CHD2: variants seen among roughly 807,000 people sequenced by gnomAD.
CHD2 encodes the protein ATP-dependent chromatin remodeler CHD2.
In CHD2, 28 loss-of-function variants were observed where a neutral mutation model predicts 243.9. The observed-to-expected ratio is 0.11, with a 90% CI of 0.09 to 0.16. CHD2 has a LOEUF of 0.16. Ranked by LOEUF, CHD2 falls within the 10% of genes least tolerant of loss-of-function variation. The pLI is 1.00. For missense variants in CHD2, 1,386 were observed against 2,209.8 expected, an observed-to-expected ratio of 0.63 and a Z score of 7.47; for synonymous variants, 775 against 779.0, an observed-to-expected ratio of 0.99 and a Z score of 0.09.
At chr15:92,918,797 A>G (rs1017004506) in intron 2 of CHD2, among the ~76,000 whole-genome samples, 3 of 151,514 alleles carry the variant, frequency 2.0e-5, no homozygotes, top group Non-Finnish European at 4.4e-5. Flanking sequence ...CATGTACGCT[A>G]TATATACACA....
chr15:92,902,356 GTTC>G lies in CHD2; in HGVS notation c.62+1060_62+1062del, dbSNP rs2052540922. 7 of 390,830 alleles carry G rather than the reference GTTC, an allele frequency of 1.8e-5. 1 individual carries two copies. The South Asian group carries it at 1.0e-3, about 56-fold the overall frequency. 24.2% of individuals were successfully genotyped at this position (390,830 alleles called of 1,614,324 possible). ...TACATATGAATGCATTTTTTGATGT[GTTC>G]TTTATGCATTTTCATATTATAAATT... On this transcript the variant is annotated intron_variant, in intron 2 of 38. Transcript: ENST00000394196.
rs763045714 is a variant in CHD2 at position 92,967,442 on chromosome 15, G to A, written c.2118G>A (p.Glu706=). 3 of 1,614,006 alleles carry A rather than the reference G, an allele frequency of 1.9e-6. No homozygotes were observed. The highest frequency in any genetic ancestry group is 2.5e-6 in the Non-Finnish European group (3 of 1,179,952). Residue 706 remains glutamate (E), a synonymous_variant, in exon 17 of 39, where the codon GAG becomes GAA. Transcript: ENST00000394196. ...FLLRRVKKDV[E]KSLPAKVEQI... The stretch of plus-strand genomic sequence containing the variant: ...TCCGGAGAGTCAAAAAAGATGTGGA[G>A]AAATCCCTTCCTGCTAAAGTGGAAC...
At chr15:92,966,027 A>G (rs1282108728) in intron 16 of CHD2, among the ~76,000 whole-genome samples, 1 of 149,462 alleles carries the variant, frequency 6.7e-6, no homozygotes, top group Non-Finnish European at 1.5e-5. Context: ...CATCTCCAGC[A>G]TTGAGATAGT....
intron 19 of CHD2, among the ~76,000 whole-genome samples, chr15:92,974,192 A>C (rs116881789): frequency 6.6e-6 from 1 of 152,178 alleles, no homozygotes. Context: ...TTATGTGTCA[A>C]TGGTTTCTCT....
chr15:92,941,659 G>C (rs1472973702), intron 7 of CHD2, among the ~76,000 whole-genome samples, 163 bp from the exon 8 acceptor site: 1 of 151,916 alleles, frequency 6.6e-6, no homozygotes. Flanking sequence ...CAGCACTTTA[G>C]GAAAAAAAAG....
intron 13 of CHD2, 48 bp downstream of exon 13, chr15:92,949,124 T>C (rs2053516736): frequency 6.3e-7 from 1 of 1,588,004 alleles, no homozygotes; most frequent in Non-Finnish European, 8.5e-7. Context: ...TTCTGGCTTC[T>C]TTATTGTTAG....
At chr15:92,974,679 T>A (rs1214983546) in intron 19 of CHD2, 200 bp from the exon 20 acceptor site, 4 of 485,618 alleles carry the variant, frequency 8.2e-6, no homozygotes, top group African/African-American at 4.0e-5. Context: ...CTTGTAACCT[T>A]GAGTCTGTAA....
intron 3 of CHD2, among the ~76,000 whole-genome samples, 200 bp from the exon 4 acceptor site, chr15:92,927,044 G>A (rs1044090000): frequency 5.3e-5 from 8 of 152,116 alleles, no homozygotes; most frequent in Non-Finnish European, 4.4e-5. Context: ...GTTAAGTAAT[G>A]AAGACATTGT....
intron 2 of CHD2, among the ~76,000 whole-genome samples, chr15:92,908,111 C>T (rs2052656286): frequency 6.6e-6 from 1 of 150,912 alleles, no homozygotes; most frequent in African/African-American, 2.4e-5. Flanking sequence ...CGGCTTTTGC[C>T]AGTTAGTCTG....
chr15:92,969,902 CTTTTTACAGGTTTTG>C (rs1468740026), intron 17 of CHD2, among the ~76,000 whole-genome samples: 2 of 144,242 alleles, frequency 1.4e-5, no homozygotes, highest in African/African-American at 5.1e-5. Context: ...ACAGGATTTT[CTTTTTACAGGTTTTG>C]TTTTTACTTT....
intron 6 of CHD2, 62 bp from the exon 7 acceptor site, chr15:92,939,516 T>A (rs767246778): frequency 6.5e-7 from 1 of 1,548,218 alleles, no homozygotes; most frequent in African/African-American, 1.4e-5. Context: ...AATACTGTTA[T>A]ATAAAGTAGA....
chr15:92,997,626 A>G lies in CHD2; in HGVS notation c.3885+223A>G. Reference sequence around the variant, plus strand: ...GAAATTTTGGGGAAACTGTAGGAGAAATCTTAAAATTCTGGTATTTAATTA... The same window carrying G: ...GAAATTTTGGGGAAACTGTAGGAGAGATCTTAAAATTCTGGTATTTAATTA... On this transcript the variant is annotated intron_variant, in intron 30 of 38. Coordinates refer to ENST00000394196, the MANE Select transcript of CHD2 (RefSeq NM_001271.4). This position sits in a 1 kb window ranked among gnomAD's most constrained non-coding sequence, Gnocchi z 4.1. The G allele has an allele frequency of 2.8e-6, 1 of 360,694 alleles. No homozygotes were observed. The highest frequency in any genetic ancestry group is 4.9e-6 in the Non-Finnish European group (1 of 204,126). 22.3% of individuals were successfully genotyped at this position (360,694 alleles called of 1,614,324 possible).
At chr15:92,910,056 G>T (rs1008245447) in intron 2 of CHD2, among the ~76,000 whole-genome samples, 3 of 151,602 alleles carry the variant, frequency 2.0e-5, no homozygotes, top group Non-Finnish European at 2.9e-5. Context: ...TCTCACACTG[G>T]AGTGCAGTGG....
chr15:92,941,855 A>G lies in CHD2; in HGVS notation c.726A>G (p.Ser242=), dbSNP rs1467953239. 1.2e-6 allele frequency: 2 copies of G among 1,613,444 alleles called. No individual in the cohort carries two copies. The highest frequency in any genetic ancestry group is 1.7e-4 in the Middle Eastern group (1 of 6,056). ...YKEDDDFETD[S]DDLIEMTGEG... ...AAGATGATGACTTTGAGACTGACTC[A>G]GATGATCTCATTGAAATGACTGGAG... Residue 242 remains serine (S), a synonymous_variant, in exon 8 of 39, where the codon TCA becomes TCG. Coordinates refer to ENST00000394196, the MANE Select transcript of CHD2 (RefSeq NM_001271.4).
At chr15:92,950,864 C>T (rs1467349779) in intron 13 of CHD2, among the ~76,000 whole-genome samples, 2 of 152,070 alleles carry the variant, frequency 1.3e-5, no homozygotes, top group Admixed American at 1.3e-4. Flanking sequence ...GAACCATCTC[C>T]TACTTTTTAT....
intron 18 of CHD2, 42 bp from the exon 19 acceptor site, chr15:92,972,223 T>C: frequency 6.3e-7 from 1 of 1,582,574 alleles, no homozygotes; most frequent in South Asian, 1.1e-5. Context: ...GATTAAAATT[T>C]GTGTTTCAAC....
At chr15:92,928,264 C>G (rs2053099912) in intron 4 of CHD2, among the ~76,000 whole-genome samples, 1 of 152,192 alleles carries the variant, frequency 6.6e-6, no homozygotes, top group South Asian at 2.1e-4. Flanking sequence ...GTGTCTCGCA[C>G]TAGGTTACTG....
rs1226137090 is a variant in CHD2 at position 92,985,576 on chromosome 15, G to A, written c.3316G>A (p.Glu1106Lys). The A allele has an allele frequency of 1.2e-6, 2 of 1,614,106 alleles. No homozygotes were observed. Among genetic ancestry groups the A allele is most frequent in the Non-Finnish European group, 1.7e-6 (2 of 1,180,026 alleles). ...QRSSASESET[E>K]DSDDDKKPKR... The stretch of plus-strand genomic sequence containing the variant: ...ATCCTCTGCTTCTGAGAGTGAAACG[G>A]AAGACTCTGATGATGACAAGAAGCC... The change falls in exon 26 of 39, where the codon GAA becomes AAA. Residue 1106 changes from glutamate (E) to lysine (K), a missense_variant. By Grantham distance (56) the Glu-to-Lys change is moderately conservative. Around this residue, in one of 19 missense-constraint regions of CHD2, gnomAD observed 99 missense variants for 206.4 expected, o/e 0.48. Coordinates refer to ENST00000394196, the MANE Select transcript of CHD2 (RefSeq NM_001271.4).
At chr15:92,907,663 G>T (rs2052647571) in intron 2 of CHD2, among the ~76,000 whole-genome samples, 1 of 152,152 alleles carries the variant, frequency 6.6e-6, no homozygotes, top group Non-Finnish European at 1.5e-5. Context: ...TAAAAATGTA[G>T]ATAATGGTCA....
Sources: gnomAD v4.1 joint callset for allele counts (sites outside exome capture counted in the v4.1 genomes callset) on GRCh38, gnomAD v4.1.1 for gene constraint, gnomAD v4.1.1 regional missense constraint, Gnocchi (gnomAD v3.1) non-coding constraint, MANE v1.5 for transcripts, NCBI Gene and HGNC (gene_info 2026-07-23, HGNC 2026-07-21) for gene names.